Variants in INPP4B observed in about 807,000 individuals in gnomAD.
The protein encoded by INPP4B is inositol polyphosphate 4-phosphatase type II.
A neutral mutation model predicts 122.5 loss-of-function variants in INPP4B; 55 were observed. The ratio of observed to expected loss-of-function variants is 0.45; its 90% CI spans 0.36 to 0.56. INPP4B has a LOEUF of 0.56. Ranked by LOEUF, INPP4B falls within the 20% of genes least tolerant of loss-of-function variation. INPP4B has a pLI of 0.00. For missense variants in INPP4B, 1,000 were observed against 1,097.7 expected (o/e 0.91, Z 1.26); for synonymous variants, 403 against 388.7 (o/e 1.04, Z -0.43).
chr4:142,256,562 G>C (rs979584072), intron 11 of INPP4B, among the ~76,000 whole-genome samples: 2 of 152,162 alleles, frequency 1.3e-5, no homozygotes, highest in African/African-American at 4.8e-5. Flanking sequence ...TACCATCAGA[G>C]AATACTACAA....
intron 23 of INPP4B, among the ~76,000 whole-genome samples, chr4:142,090,206 G>A (rs1040193823): frequency 6.6e-6 from 1 of 152,092 alleles, no homozygotes; most frequent in Non-Finnish European, 1.5e-5. Flanking sequence ...CTCATAAAGA[G>A]AGTGTGTTAG....
chr4:142,182,955 T>C (rs1831542696), intron 15 of INPP4B, among the ~76,000 whole-genome samples: 1 of 152,198 alleles, frequency 6.6e-6, no homozygotes, highest in Admixed American at 6.5e-5. Context: ...AATCTTCAGC[T>C]GAAAACCTAC....
intron 12 of INPP4B, among the ~76,000 whole-genome samples, chr4:142,220,665 A>G (rs1848997796): frequency 6.6e-6 from 1 of 152,156 alleles, no homozygotes; most frequent in African/African-American, 2.4e-5. Flanking sequence ...GTTTGCTAAG[A>G]CTGCCATAAG....
rs1444789489 is a variant in INPP4B at position 142,730,928 on chromosome 4, A to T, written c.-253-5027T>A. ...TGTCCTATGACAGAAATTGCATAGC[A>T]GTGGCATAGCAGTTGTTGCCGCACC... On this transcript the variant is annotated intron_variant, in intron 1 of 25. Transcript: ENST00000262992. Among the ~76,000 whole-genome samples, 3 of 151,828 alleles carry T rather than the reference A, an allele frequency of 2.0e-5. No homozygotes were observed. In the Admixed American group the frequency reaches 2.0e-4, roughly 10 times the overall value.
chr4:142,645,918 C>T (rs1025534417), intron 2 of INPP4B, among the ~76,000 whole-genome samples: 1 of 152,140 alleles, frequency 6.6e-6, no homozygotes, highest in African/African-American at 2.4e-5. Flanking sequence ...GAAACTAACA[C>T]ATTTTCATAG....
intron 15 of INPP4B, among the ~76,000 whole-genome samples, chr4:142,191,571 T>G (rs1270101174): frequency 6.6e-6 from 1 of 152,078 alleles, no homozygotes; most frequent in Non-Finnish European, 1.5e-5. Flanking sequence ...TCCCATAAAG[T>G]AAATAGGAGA....
At chr4:142,787,139 A>G (rs1251656774) in intron 1 of INPP4B, among the ~76,000 whole-genome samples, 1 of 152,152 alleles carries the variant, frequency 6.6e-6, no homozygotes, top group Non-Finnish European at 1.5e-5. Context: ...AAACAGTTCT[A>G]AAAAGAAAAT....
At chr4:142,084,462 G>T (rs547262530) in intron 24 of INPP4B, among the ~76,000 whole-genome samples, 2 of 151,804 alleles carry the variant, frequency 1.3e-5, no homozygotes, top group African/African-American at 4.8e-5. Context: ...AACTAAAGCA[G>T]TATTTCATTA....
rs565761396 is a variant in INPP4B, at chr4:142,252,838, G to C, written c.688+7654C>G. Reference sequence around the variant, plus strand: ...GTGTTTCTTGTTTTGGATAATACATGATCCAATAGCTAAAAGAAATTTATA... The same window carrying C: ...GTGTTTCTTGTTTTGGATAATACATCATCCAATAGCTAAAAGAAATTTATA... On this transcript the variant is annotated intron_variant, in intron 11 of 25. Transcript: ENST00000262992. 4.6e-5 allele frequency among the ~76,000 whole-genome samples: 7 copies of C among 152,226 alleles called. No homozygotes were observed. In the South Asian group the frequency reaches 1.5e-3, roughly 32 times the overall value.
In INPP4B at chr4:142,367,188, A is replaced by ATGTGTGTGTGTGTG. The variant is rs5862590; in HGVS notation, c.372+35736_372+35749dup. On this transcript the variant is annotated intron_variant, in intron 7 of 25. Coordinates refer to ENST00000262992, the MANE Select transcript of INPP4B (RefSeq NM_001101669.3). ...AATAGTGTGTATGTATACATGTAATATGTGTGTGTGTGTGTGTGTGTGTGT... is the reference window on the plus strand; with the variant it reads ...AATAGTGTGTATGTATACATGTAATATGTGTGTGTGTGTGTGTGTGTGTGTGTGTGTGTGTGTGT... Among the ~76,000 whole-genome samples, 562 of 132,778 alleles carry ATGTGTGTGTGTGTG rather than the reference A, an allele frequency of 4.2e-3. 3 individuals are homozygous for ATGTGTGTGTGTGTG. Among genetic ancestry groups the ATGTGTGTGTGTGTG allele is most frequent in the Non-Finnish European group, 6.0e-3 (369 of 61,778 alleles). The allele number at this position is 132,778 out of a possible 152,430, so 87.1% of individuals were successfully genotyped here.
At chr4:142,531,981 A>G (rs1827669261) in intron 2 of INPP4B, among the ~76,000 whole-genome samples, 1 of 152,104 alleles carries the variant, frequency 6.6e-6, no homozygotes, top group Admixed American at 6.6e-5. Flanking sequence ...AGACATATTG[A>G]CTTGTCCTGT....
rs546487344 is a variant in INPP4B, at chr4:142,628,147, A to T, written c.-191+97692T>A. On this transcript the variant is annotated intron_variant, in intron 2 of 25. Transcript: ENST00000262992. ...TGCGGCATTATTCACAATAGCAAAG[A>T]CTTGGAACCAACCCAAATGTCCAAC... is the stretch of plus-strand genomic sequence containing the variant. 1.9e-3 allele frequency among the ~76,000 whole-genome samples: 294 copies of T among 151,136 alleles called. 2 individuals are homozygous for T. The highest frequency in any genetic ancestry group is 6.4e-3 in the African/African-American group (264 of 41,188).
intron 18 of INPP4B, among the ~76,000 whole-genome samples, chr4:142,130,490 C>T (rs1018758994): frequency 3.9e-5 from 6 of 152,014 alleles, no homozygotes; most frequent in African/African-American, 7.3e-5. Context: ...GGATAAAGGA[C>T]GGCGCAGAGG....
intron 7 of INPP4B, among the ~76,000 whole-genome samples, chr4:142,374,965 C>T (rs750488410): frequency 4.6e-5 from 7 of 151,822 alleles, no homozygotes; most frequent in Non-Finnish European, 1.0e-4. Context: ...TCCAGCTCTC[C>T]GTTCTGGAAC....
intron 2 of INPP4B, among the ~76,000 whole-genome samples, chr4:142,687,061 CAA>C (rs898733789): frequency 1.3e-5 from 2 of 151,778 alleles, no homozygotes; most frequent in African/African-American, 4.8e-5. Context: ...TGGGAAGAAA[CAA>C]AGAGTTTCTT....
intron 2 of INPP4B, among the ~76,000 whole-genome samples, chr4:142,571,012 C>T (rs1325972687): frequency 3.3e-5 from 5 of 151,114 alleles, no homozygotes; most frequent in African/African-American, 1.2e-4. Flanking sequence ...GACCCTACCC[C>T]TACCTCATGA....
chr4:142,223,928 C>G (rs1009009222), intron 12 of INPP4B, among the ~76,000 whole-genome samples: 1 of 152,086 alleles, frequency 6.6e-6, no homozygotes, highest in African/African-American at 2.4e-5. Flanking sequence ...AACACATCTA[C>G]GAAGTTTATT....
intron 2 of INPP4B, among the ~76,000 whole-genome samples, chr4:142,543,965 A>C (rs2150043497): frequency 6.6e-6 from 1 of 152,286 alleles, no homozygotes; most frequent in Non-Finnish European, 1.5e-5. Flanking sequence ...TATAGCCTTC[A>C]TCCTACATGT....
intron 2 of INPP4B, among the ~76,000 whole-genome samples, chr4:142,623,113 T>G (rs1361618376): frequency 1.1e-4 from 17 of 151,966 alleles, no homozygotes; most frequent in Admixed American, 1.1e-3. Flanking sequence ...TCAAATCGCC[T>G]TTACTTCTCC....
Sources: allele counts gnomAD v4.1 joint callset (sites outside exome capture counted in the v4.1 genomes callset), GRCh38; gene constraint gnomAD v4.1.1; transcripts MANE v1.5; gene names NCBI Gene and HGNC (gene_info 2026-07-23, HGNC 2026-07-21).